The following ARFIP1 variants were observed in gnomAD, a reference collection of about 807,000 sequenced individuals.
ARFIP1 encodes the protein ARF interacting protein 1, also known as arfaptin-1.
Under a neutral mutation model 42.5 loss-of-function variants are expected in ARFIP1, and 24 were observed. That is an observed-to-expected ratio of 0.57 (90% CI 0.41 to 0.80). The LOEUF is 0.80. Among genes scored for constraint, ARFIP1 ranks in the 30% least tolerant of loss-of-function variants. The probability of loss-of-function intolerance (pLI) is 0.00; values close to 1 mark genes in which losing one functional copy is unlikely to be tolerated. For missense variants in ARFIP1, 354 were observed against 434.0 expected (o/e 0.82, Z 1.64); for synonymous variants, 141 against 153.7 (o/e 0.92, Z 0.61).
intron 8 of ARFIP1, among the ~76,000 whole-genome samples, chr4:152,893,588 G>A (rs1427286318): frequency 6.6e-6 from 1 of 151,690 alleles, no homozygotes; most frequent in East Asian, 1.9e-4. Flanking sequence ...AGCAGTTTGG[G>A]GTATAAATAT....
At chr4:152,809,482 C>T (rs546121424) in intron 1 of ARFIP1, among the ~76,000 whole-genome samples, 11 of 152,278 alleles carry the variant, frequency 7.2e-5, no homozygotes, top group South Asian at 4.1e-4. Context: ...TTATGATCTC[C>T]GTGGAGAGGC....
intron 8 of ARFIP1, among the ~76,000 whole-genome samples, chr4:152,897,241 A>T (rs1467194252): frequency 2.6e-5 from 4 of 152,136 alleles, no homozygotes; most frequent in African/African-American, 9.7e-5. Context: ...GGTAATTGTA[A>T]TTGTTGAAGA....
chr4:152,862,449 T>TA (rs79175273), intron 2 of ARFIP1, among the ~76,000 whole-genome samples: 90 of 144,100 alleles, frequency 6.2e-4, no homozygotes, highest in African/African-American at 1.2e-3. Flanking sequence ...GTCCTAGGTT[T>TA]AAAAAAAAAA....
intron 1 of ARFIP1, among the ~76,000 whole-genome samples, chr4:152,816,982 T>C (rs1171039037): frequency 2.0e-5 from 3 of 152,226 alleles, no homozygotes; most frequent in Admixed American, 6.5e-5. Flanking sequence ...CTCTTCATGC[T>C]CACAACACTG....
At chr4:152,886,815 A>T (rs1261288306) in intron 7 of ARFIP1, among the ~76,000 whole-genome samples, 1 of 151,948 alleles carries the variant, frequency 6.6e-6, no homozygotes, top group African/African-American at 2.4e-5. Context: ...TCACTTGAGA[A>T]TTGTTGAATG....
chr4:152,829,304 AC>A lies in ARFIP1; in HGVS notation c.-9-319del, dbSNP rs573079441. Among the ~76,000 whole-genome samples, 31 of 152,038 alleles carry A rather than the reference AC, an allele frequency of 2.0e-4. No individual in the cohort carries two copies. The East Asian group carries it at 6.0e-3, about 29-fold the overall frequency. On this transcript the variant is annotated intron_variant, in intron 1 of 8. Coordinates refer to ENST00000353617, the MANE Select transcript of ARFIP1 (RefSeq NM_001025595.3). ...TGGAGCTGCTGTAGTTGAATTAACA[AC>A]CAAGCTTGGCTTTCTGTAATTTTTT...
chr4:152,910,061 C>G lies in ARFIP1; in HGVS notation c.967-3C>G, dbSNP rs781392108. The G allele has an allele frequency of 6.2e-7, 1 of 1,613,524 alleles. No homozygotes were observed. On this transcript the variant is annotated splice_region_variant and splice_polypyrimidine_tract_variant and intron_variant, in intron 8 of 8. Transcript: ENST00000353617. Reference sequence around the variant, plus strand: ...TGGTCTTGTAACTCTGCCCTGTCCACAGGTTAAAGTATTGCACAATCAGCT... The same window carrying G: ...TGGTCTTGTAACTCTGCCCTGTCCAGAGGTTAAAGTATTGCACAATCAGCT...
chr4:152,843,581 G>A (rs76985285), intron 2 of ARFIP1, among the ~76,000 whole-genome samples: 1,621 of 152,232 alleles, frequency 0.011, 38 homozygotes, highest in African/African-American at 0.035. Context: ...ATCCCTGGGC[G>A]AGTCTTGCTG....
rs1162505070 is a variant in ARFIP1 at position 152,827,546 on chromosome 4, C to T, written c.-9-2079C>T. Among the ~76,000 whole-genome samples, 37 of 152,226 alleles carry T rather than the reference C, an allele frequency of 2.4e-4. 1 individual carries two copies. On this transcript the variant is annotated intron_variant, in intron 1 of 8. Transcript: ENST00000353617. ...GAAAAGTTTCTCTGCCTTAAAAACC[C>T]TCTGTGTTCAGCCTGTTCTTCCTTC...
At chr4:152,792,746 C>G (rs60504133) in intron 1 of ARFIP1, among the ~76,000 whole-genome samples, 5,677 of 152,164 alleles carry the variant, frequency 0.037, 159 homozygotes, top group South Asian at 0.079. Flanking sequence ...CTCTCCCTCA[C>G]TAAAATTTGG....
intron 1 of ARFIP1, among the ~76,000 whole-genome samples, chr4:152,782,594 A>G (rs935876455): frequency 1.3e-5 from 2 of 151,692 alleles, no homozygotes; most frequent in South Asian, 2.1e-4. Context: ...CATTTTCTTA[A>G]TTTTTTTTGC....
At chr4:152,806,545 A>G (rs986599158) in intron 1 of ARFIP1, among the ~76,000 whole-genome samples, 3 of 152,206 alleles carry the variant, frequency 2.0e-5, no homozygotes, top group Admixed American at 6.5e-5. Context: ...AAATTTACAT[A>G]TAAGTGTACT....
intron 2 of ARFIP1, among the ~76,000 whole-genome samples, chr4:152,845,890 C>T (rs1286292775): frequency 5.3e-5 from 8 of 152,172 alleles, no homozygotes; most frequent in Non-Finnish European, 2.9e-5. Flanking sequence ...GACACATGCA[C>T]TTGTATGTTC....
intron 2 of ARFIP1, among the ~76,000 whole-genome samples, chr4:152,837,502 T>G (rs1187347532): frequency 6.6e-6 from 1 of 152,258 alleles, no homozygotes; most frequent in Non-Finnish European, 1.5e-5. Context: ...CGTTGTGGTT[T>G]TGATTTGCAT....
rs555680426 is a variant in ARFIP1 at position 152,802,225 on chromosome 4, T to C, written c.-10+21999T>C. On this transcript the variant is annotated intron_variant, in intron 1 of 8. Coordinates refer to ENST00000353617, the MANE Select transcript of ARFIP1 (RefSeq NM_001025595.3). ...TGTTTTTTGGTATTGGAACAAAATATGATCTCTCTTGAGATGCATAATTAG... is the reference window on the plus strand; with the variant it reads ...TGTTTTTTGGTATTGGAACAAAATACGATCTCTCTTGAGATGCATAATTAG... 5.9e-5 allele frequency among the ~76,000 whole-genome samples: 9 copies of C among 152,322 alleles called. No homozygotes were observed. The South Asian group carries it at 1.7e-3, about 28-fold the overall frequency.
chr4:152,834,894 G>C (rs1459740216), intron 2 of ARFIP1, among the ~76,000 whole-genome samples: 1 of 152,198 alleles, frequency 6.6e-6, no homozygotes, highest in Non-Finnish European at 1.5e-5. Flanking sequence ...CCACATGGAA[G>C]CTGCCAAGAC....
intron 2 of ARFIP1, among the ~76,000 whole-genome samples, chr4:152,845,183 A>G (rs1034499554): frequency 6.6e-5 from 10 of 152,306 alleles, no homozygotes; most frequent in South Asian, 2.1e-4. Flanking sequence ...CTGGACTGCT[A>G]TCTTTCACCG....
At chr4:152,812,067 G>C (rs1403310894) in intron 1 of ARFIP1, among the ~76,000 whole-genome samples, 1 of 152,146 alleles carries the variant, frequency 6.6e-6, no homozygotes, top group Non-Finnish European at 1.5e-5. Context: ...CAGAACATCG[G>C]TTTTTTATTT....
chr4:152,887,044 C>G (rs1736321211), intron 7 of ARFIP1, among the ~76,000 whole-genome samples: 1 of 151,930 alleles, frequency 6.6e-6, no homozygotes, highest in South Asian at 2.1e-4. Flanking sequence ...GAATTATACA[C>G]CTAATATCTC....
Sources: allele counts gnomAD v4.1 joint callset (sites outside exome capture counted in the v4.1 genomes callset), GRCh38; gene constraint gnomAD v4.1.1; transcripts MANE v1.5; gene names NCBI Gene and HGNC (gene_info 2026-07-23, HGNC 2026-07-21).